Variants in CACNG2 observed in about 807,000 individuals in gnomAD.
The protein encoded by CACNG2 is calcium voltage-gated channel auxiliary subunit gamma 2, also known as voltage-dependent calcium channel gamma-2 subunit.
CACNG2 carries 3 observed loss-of-function variants against 25.9 expected under a neutral mutation model. The observed-to-expected ratio is 0.12, with a 90% CI of 0.05 to 0.30. The LOEUF (loss-of-function observed/expected upper bound fraction) is 0.30. Among genes scored for constraint, CACNG2 ranks in the 10% least tolerant of loss-of-function variants. The pLI is 1.00. For missense variants in CACNG2, 341 were observed against 432.5 expected, an observed-to-expected ratio of 0.79 and a Z score of 1.88; for synonymous variants, 167 against 173.3, an observed-to-expected ratio of 0.96 and a Z score of 0.29.
intron 1 of CACNG2, among the ~76,000 whole-genome samples, chr22:36,628,874 T>C (rs1382155989): frequency 6.6e-6 from 1 of 152,116 alleles, no homozygotes; most frequent in East Asian, 1.9e-4. Context: ...AGAGGATCTG[T>C]TTTATGGTGC....
intron 1 of CACNG2, among the ~76,000 whole-genome samples, chr22:36,677,942 C>G (rs1326897467): frequency 6.6e-6 from 1 of 152,164 alleles, no homozygotes; most frequent in Non-Finnish European, 1.5e-5. Flanking sequence ...GGTTTGACTG[C>G]CCCATGATTG....
At position 36,561,418 on chromosome 22, in the gene CACNG2, T is replaced by C. The variant is rs1422651472; in HGVS notation, c.*2933A>G. The C allele has an allele frequency of 1.3e-5, 2 of 152,316 alleles. No individual in the cohort carries two copies. The highest frequency in any genetic ancestry group is 4.8e-5 in the African/African-American group (2 of 41,454). The allele number at this position is 152,316 out of a possible 1,614,324, so 9.4% of individuals were successfully genotyped here. On this transcript the variant is annotated 3_prime_UTR_variant, in exon 4 of 4. Transcript: ENST00000300105. The stretch of plus-strand genomic sequence containing the variant: ...CAGACTGAGGGCAACTTGGTTGTTG[T>C]TACCACACCTTGAATTGTCTCCCAT...
chr22:36,656,304 G>C (rs545386276), intron 1 of CACNG2, among the ~76,000 whole-genome samples: 1 of 152,294 alleles, frequency 6.6e-6, no homozygotes. Flanking sequence ...TTGGGGAAGG[G>C]AAAGACTGTA....
chr22:36,606,998 GGT>G lies in CACNG2; in HGVS notation c.212-19452_212-19451del, dbSNP rs1311327889. Among the ~76,000 whole-genome samples the G allele has an allele frequency of 1.3e-5, 2 of 150,534 alleles. No homozygotes were observed. The highest frequency in any genetic ancestry group is 3.0e-5 in the Non-Finnish European group (2 of 67,602). ...GTGTGTGGTGTGTTTGTATGTGTGT[GGT>G]GTGTGTGTATGTCTGTGAGTGTATA... On this transcript the variant is annotated intron_variant, in intron 1 of 3. Transcript: ENST00000300105. This position sits in a 1 kb window ranked among gnomAD's most constrained non-coding sequence, Gnocchi z 5.7.
rs1160511411 is a variant in CACNG2, at chr22:36,561,160, C to T, written c.*3191G>A. ...CCCAGTGGCTTTCTTCAAGCACACCCAGAACCCAGGCCTTGCGCCATGGAA... is the reference window on the plus strand; with the variant it reads ...CCCAGTGGCTTTCTTCAAGCACACCTAGAACCCAGGCCTTGCGCCATGGAA... On this transcript the variant is annotated 3_prime_UTR_variant, in exon 4 of 4. Transcript: ENST00000300105. The T allele has an allele frequency of 6.6e-6, 1 of 152,264 alleles. No individual in the cohort carries two copies. Among genetic ancestry groups the T allele is most frequent in the East Asian group, 1.9e-4 (1 of 5,196 alleles). 9.4% of individuals were successfully genotyped at this position (152,264 alleles called of 1,614,324 possible).
chr22:36,639,691 C>T (rs1377922745), intron 1 of CACNG2, among the ~76,000 whole-genome samples: 1 of 152,214 alleles, frequency 6.6e-6, no homozygotes, highest in African/African-American at 2.4e-5. Flanking sequence ...GGGTTGGGAA[C>T]ATCTCAGTCA....
intron 1 of CACNG2, among the ~76,000 whole-genome samples, chr22:36,673,354 G>C (rs1936979516): frequency 6.6e-6 from 1 of 152,280 alleles, no homozygotes; most frequent in South Asian, 2.1e-4. Context: ...TAGGCAGCAA[G>C]GATTAGGAAA....
intron 1 of CACNG2, among the ~76,000 whole-genome samples, chr22:36,631,174 G>A (rs1342492043): frequency 2.6e-5 from 4 of 152,094 alleles, no homozygotes; most frequent in Non-Finnish European, 4.4e-5. Context: ...GCAGCAACTC[G>A]GTACACGTGT....
At chr22:36,583,443 G>GAA (rs111439765) in intron 2 of CACNG2, among the ~76,000 whole-genome samples, 5 of 146,648 alleles carry the variant, frequency 3.4e-5, no homozygotes, top group African/African-American at 1.3e-4. Context: ...AAAAAAAAAA[G>GAA]AAAAAAAAAA....
At chr22:36,615,571 C>T (rs191016745) in intron 1 of CACNG2, among the ~76,000 whole-genome samples, 1 of 152,306 alleles carries the variant, frequency 6.6e-6, no homozygotes, top group East Asian at 1.9e-4. Flanking sequence ...TTCTCTGTTC[C>T]CCCAGCTGGG....
chr22:36,686,063 C>T (rs1238631469), intron 1 of CACNG2, among the ~76,000 whole-genome samples: 1 of 152,186 alleles, frequency 6.6e-6, no homozygotes, highest in Non-Finnish European at 1.5e-5. Flanking sequence ...CAGAGAAGCA[C>T]AAGGAAGTGT....
chr22:36,566,803 T>C (rs1234397318), intron 2 of CACNG2, among the ~76,000 whole-genome samples: 1 of 152,208 alleles, frequency 6.6e-6, no homozygotes, highest in African/African-American at 2.4e-5. Flanking sequence ...TTCTCTCTCG[T>C]CCCACCACAT....
intron 2 of CACNG2, among the ~76,000 whole-genome samples, chr22:36,567,285 T>C (rs887664273): frequency 6.6e-6 from 1 of 152,230 alleles, no homozygotes; most frequent in African/African-American, 2.4e-5. Flanking sequence ...AATATTTGTG[T>C]ATACATATGC....
chr22:36,698,494 A>G (rs1401812656), intron 1 of CACNG2, among the ~76,000 whole-genome samples: 1 of 152,182 alleles, frequency 6.6e-6, no homozygotes, highest in Non-Finnish European at 1.5e-5. Flanking sequence ...CTGCAGAATA[A>G]GAGAGCCATG....
At chr22:36,631,301 T>C (rs1569035182) in intron 1 of CACNG2, among the ~76,000 whole-genome samples, 1 of 152,156 alleles carries the variant, frequency 6.6e-6, no homozygotes, top group Non-Finnish European at 1.5e-5. Context: ...AGTTCAGTTA[T>C]GGACTCAGAT....
rs1936332593 is a variant in CACNG2, at chr22:36,635,052, G to A, written c.212-47504C>T. On this transcript the variant is annotated intron_variant, in intron 1 of 3. Coordinates refer to ENST00000300105, the MANE Select transcript of CACNG2 (RefSeq NM_006078.5). ...TAATCCCAGCACTTTGGGAGGCCGA[G>A]GTGGGTGGATCACGAGGTCAGGAGA... is the stretch of plus-strand genomic sequence containing the variant. Among the ~76,000 whole-genome samples, 4 of 152,164 alleles carry A rather than the reference G, an allele frequency of 2.6e-5. No individual in the cohort carries two copies. The South Asian group carries it at 8.3e-4, about 32-fold the overall frequency.
chr22:36,647,105 C>A (rs1936536681), intron 1 of CACNG2, among the ~76,000 whole-genome samples: 1 of 152,106 alleles, frequency 6.6e-6, no homozygotes, highest in Admixed American at 6.6e-5. Context: ...GATGCTGTCC[C>A]TTACATAGCT....
chr22:36,636,149 G>A (rs1246313389), intron 1 of CACNG2, among the ~76,000 whole-genome samples: 2 of 152,014 alleles, frequency 1.3e-5, no homozygotes, highest in African/African-American at 4.8e-5. Flanking sequence ...TTCTTAACAT[G>A]GCCCACTGAG....
intron 1 of CACNG2, among the ~76,000 whole-genome samples, chr22:36,679,781 G>C (rs1020307352): frequency 6.6e-6 from 1 of 152,076 alleles, no homozygotes; most frequent in African/African-American, 2.4e-5. Flanking sequence ...GGTGGAACTT[G>C]GTTAGAAATA....
Sources: allele counts gnomAD v4.1 joint callset (sites outside exome capture counted in the v4.1 genomes callset), GRCh38; gene constraint gnomAD v4.1.1; non-coding constraint Gnocchi (gnomAD v3.1); transcripts MANE v1.5; gene names NCBI Gene and HGNC (gene_info 2026-07-23, HGNC 2026-07-21).